Variants in GABRA2 observed in about 807,000 individuals in gnomAD.
The protein encoded by GABRA2 is gamma-aminobutyric acid type A receptor subunit alpha2.
A neutral mutation model predicts 48.7 loss-of-function variants in GABRA2; 16 were observed. That is an observed-to-expected ratio of 0.33 (90% CI 0.22 to 0.50). GABRA2 has a LOEUF of 0.50. Ranked by LOEUF, GABRA2 falls within the 20% of genes least tolerant of loss-of-function variation. The pLI is 0.98. For synonymous variants in GABRA2, 185 were observed against 184.5 expected, an observed-to-expected ratio of 1.00 and a Z score of -0.02; for missense variants, 275 against 535.6, an observed-to-expected ratio of 0.51 and a Z score of 4.80.
At chr4:46,316,384 A>G (rs1399463454) in intron 4 of GABRA2, among the ~76,000 whole-genome samples, 4 of 152,040 alleles carry the variant, frequency 2.6e-5, no homozygotes, top group Non-Finnish European at 4.4e-5. Context: ...GAAAGCAACC[A>G]TAGATTGCAT....
intron 8 of GABRA2, among the ~76,000 whole-genome samples, chr4:46,283,122 C>T (rs1246974595): frequency 1.3e-5 from 2 of 152,118 alleles, no homozygotes; most frequent in Non-Finnish European, 1.5e-5. Context: ...AGATAGTCAA[C>T]CCGTGAGAGT....
chr4:46,383,101 G>C (rs1385138232), intron 3 of GABRA2, among the ~76,000 whole-genome samples: 1 of 152,116 alleles, frequency 6.6e-6, no homozygotes, highest in Non-Finnish European at 1.5e-5. Flanking sequence ...ACTTGAAACA[G>C]TACATTTAGC....
At chr4:46,386,339 G>T in intron 2 of GABRA2, 150 bp from the exon 3 acceptor site, 2 of 557,392 alleles carry the variant, frequency 3.6e-6, no homozygotes, top group South Asian at 2.3e-5. Context: ...TATAAATATC[G>T]GTTTGTCTTC....
chr4:46,359,072 T>C (rs1712695197), intron 3 of GABRA2, among the ~76,000 whole-genome samples: 1 of 152,162 alleles, frequency 6.6e-6, no homozygotes, highest in South Asian at 2.1e-4. Flanking sequence ...AAAACTTAGT[T>C]TAAGTATAAG....
At chr4:46,368,331 C>T (rs1303124773) in intron 3 of GABRA2, 4 of 152,110 alleles carry the variant, frequency 2.6e-5, no homozygotes, top group African/African-American at 4.8e-5. Context: ...GAGGAAAATG[C>T]TAGCTAGACT....
intron 3 of GABRA2, chr4:46,365,184 A>G (rs1329321163): frequency 6.6e-6 from 1 of 152,176 alleles, no homozygotes; most frequent in African/African-American, 2.4e-5. Context: ...GTTTTCTCAG[A>G]AACACCTTAT....
At chr4:46,310,886 G>A (rs979126889) in intron 5 of GABRA2, among the ~76,000 whole-genome samples, 1 of 152,080 alleles carries the variant, frequency 6.6e-6, no homozygotes, top group African/African-American at 2.4e-5. Flanking sequence ...ACAACAAAGA[G>A]TAGTCATAGA....
rs903604384 is a variant in GABRA2, at chr4:46,270,344, G to A, written c.857-8216C>T. ...CACCTTTTCTGTTTACTGCTTTGGC[G>A]TAGCCTGGTCTCATGACACTATAAA... On this transcript the variant is annotated intron_variant, in intron 8 of 9. Transcript: ENST00000381620. Among the ~76,000 whole-genome samples the A allele has an allele frequency of 4.1e-4, 62 of 151,838 alleles. 2 individuals are homozygous for A. Among genetic ancestry groups the A allele is most frequent in the Admixed American group, 6.6e-5 (1 of 15,206 alleles).
intron 4 of GABRA2, among the ~76,000 whole-genome samples, chr4:46,317,548 T>A (rs2109728426): frequency 6.6e-6 from 1 of 151,896 alleles, no homozygotes; most frequent in African/African-American, 2.4e-5. Context: ...GCATTTGTCA[T>A]CAGTGTACCG....
At chr4:46,287,625 G>A (rs1428133979) in intron 8 of GABRA2, among the ~76,000 whole-genome samples, 2 of 114,944 alleles carry the variant, frequency 1.7e-5, no homozygotes, top group Non-Finnish European at 3.4e-5. Context: ...TCTGGGGACT[G>A]TTGTGGGGTG....
At chr4:46,295,705 C>T (rs1030692236) in intron 8 of GABRA2, among the ~76,000 whole-genome samples, 2 of 152,166 alleles carry the variant, frequency 1.3e-5, no homozygotes, top group South Asian at 2.1e-4. Flanking sequence ...TCTGAGCCCT[C>T]GATGTGGCAC....
intron 3 of GABRA2, chr4:46,367,935 G>A (rs1714298229): frequency 6.6e-6 from 1 of 152,050 alleles, no homozygotes; most frequent in South Asian, 2.1e-4. Context: ...ATGTGTATAT[G>A]GTTTCCTTTG....
intron 4 of GABRA2, among the ~76,000 whole-genome samples, chr4:46,323,271 C>T (rs1285488618): frequency 6.6e-6 from 1 of 151,912 alleles, no homozygotes; most frequent in Admixed American, 6.6e-5. Context: ...CCCAAAATTC[C>T]TAAGAGCATT....
intron 7 of GABRA2, 32 bp from the exon 8 acceptor site, chr4:46,303,644 A>G: frequency 6.3e-7 from 1 of 1,591,388 alleles, no homozygotes; most frequent in East Asian, 2.2e-5. Context: ...CTCAAGGAGT[A>G]ATAGTCAATA....
chr4:46,333,843 T>C (rs1229124026), intron 3 of GABRA2, among the ~76,000 whole-genome samples: 1 of 152,044 alleles, frequency 6.6e-6, no homozygotes, highest in African/African-American at 2.4e-5. Context: ...GATAAAACAA[T>C]GATTTATAAC....
At chr4:46,368,976 G>A in intron 3 of GABRA2, 1 of 700,960 alleles carries the variant, frequency 1.4e-6, no homozygotes, top group Middle Eastern at 2.3e-4. Context: ...TGAAGGCTAT[G>A]TTACACAGAC....
intron 3 of GABRA2, among the ~76,000 whole-genome samples, chr4:46,377,828 C>T (rs1716072704): frequency 2.1e-5 from 3 of 146,050 alleles, no homozygotes; most frequent in African/African-American, 7.6e-5. Context: ...GCCCCTCTGC[C>T]CGGCCAGCTG....
rs1167532614 is a variant in GABRA2, at chr4:46,244,155, T to C, written c.*6153A>G. On this transcript the variant is annotated 3_prime_UTR_variant, in exon 10 of 10. Transcript: ENST00000381620. ...ATTCATGAGAATTGTGGCTCAATAA[T>C]TGAGTTTTACTTATGTCTTTCTAAT... The C allele has an allele frequency of 6.6e-6, 1 of 151,604 alleles. No homozygotes were observed. Among genetic ancestry groups the C allele is most frequent in the East Asian group, 2.0e-4 (1 of 5,120 alleles). The allele number at this position is 151,604 out of a possible 1,614,324, so 9.4% of individuals were successfully genotyped here.
chr4:46,321,232 G>A (rs1319841031), intron 4 of GABRA2, among the ~76,000 whole-genome samples: 1 of 151,830 alleles, frequency 6.6e-6, no homozygotes, highest in Non-Finnish European at 1.5e-5. Context: ...TACTGCGGTG[G>A]GATGTGAAGA....
Sources: gnomAD v4.1 joint callset for allele counts (sites outside exome capture counted in the v4.1 genomes callset) on GRCh38, gnomAD v4.1.1 for gene constraint, MANE v1.5 for transcripts, NCBI Gene and HGNC (gene_info 2026-07-23, HGNC 2026-07-21) for gene names.